Variants in ITPKB observed in about 807,000 individuals in gnomAD.
ITPKB encodes inositol-trisphosphate 3-kinase B.
ITPKB carries 13 observed loss-of-function variants against 69.4 expected under a neutral mutation model. The ratio of observed to expected loss-of-function variants is 0.19; its 90% CI spans 0.12 to 0.30. The LOEUF (loss-of-function observed/expected upper bound fraction) is 0.30, where lower values mean the gene tolerates loss of function less well. Ranked by LOEUF, ITPKB falls within the 10% of genes least tolerant of loss-of-function variation. The pLI is 1.00. For synonymous variants in ITPKB, 584 were observed against 513.7 expected, an observed-to-expected ratio of 1.14 and a Z score of -1.85; for missense variants, 1,240 against 1,250.5, an observed-to-expected ratio of 0.99 and a Z score of 0.13.
intron 2 of ITPKB, among the ~76,000 whole-genome samples, chr1:226,688,993 C>T (rs962782593): frequency 2.0e-5 from 3 of 152,104 alleles, no homozygotes; most frequent in Admixed American, 1.3e-4. Flanking sequence ...GTTTGCTCTC[C>T]GACCTCTTTA....
At chr1:226,693,425 T>C (rs1017093932) in intron 2 of ITPKB, among the ~76,000 whole-genome samples, 16 of 152,212 alleles carry the variant, frequency 1.1e-4, no homozygotes, top group African/African-American at 3.6e-4. Flanking sequence ...TTCTAGACTT[T>C]AGAACCACTT....
intron 2 of ITPKB, among the ~76,000 whole-genome samples, chr1:226,722,304 T>C (rs559245705): frequency 1.3e-5 from 2 of 152,262 alleles, no homozygotes; most frequent in East Asian, 3.9e-4. Context: ...TGCCTTCCCC[T>C]GGGAATGTGG....
At chr1:226,715,376 C>T (rs924209970) in intron 2 of ITPKB, among the ~76,000 whole-genome samples, 17 of 152,252 alleles carry the variant, frequency 1.1e-4, no homozygotes, top group African/African-American at 4.1e-4. Flanking sequence ...TTAGCAAAAC[C>T]TCTGCTGGTT....
chr1:226,695,627 C>T (rs537555145), intron 2 of ITPKB, among the ~76,000 whole-genome samples: 47 of 152,314 alleles, frequency 3.1e-4, no homozygotes, highest in Admixed American at 2.3e-3. Flanking sequence ...TCACACCTGC[C>T]GCAGACCTGA....
At chr1:226,680,474 T>A (rs903399482) in intron 2 of ITPKB, among the ~76,000 whole-genome samples, 1 of 152,174 alleles carries the variant, frequency 6.6e-6, no homozygotes, top group Non-Finnish European at 1.5e-5. Context: ...ATGTGTTAGG[T>A]AGGGTCCTTT....
rs1372418959 is a variant in ITPKB, at chr1:226,736,090, G to A, written c.1369C>T (p.Pro457Ser). 2 of 1,609,706 alleles carry A rather than the reference G, an allele frequency of 1.2e-6. No homozygotes were observed. The highest frequency in any genetic ancestry group is 2.2e-5 in the East Asian group (1 of 44,796). ...TTCCCGGTCCCCGGCTGTGCTGAGG[G>A]GCTGCCCCCAAGCAAGCCCAGCGTT... is the stretch of plus-strand genomic sequence containing the variant. Reference protein sequence around the residue: ...SPTLGLLGGSPSAQPGTGNVE... With the variant: ...SPTLGLLGGSSSAQPGTGNVE... Residue 457 changes from proline to serine, a missense_variant, in exon 2 of 8, where the codon CCC becomes TCC. Coordinates refer to ENST00000429204, the MANE Select transcript of ITPKB (RefSeq NM_002221.4).
chr1:226,673,183 G>A (rs1669653216), intron 2 of ITPKB, among the ~76,000 whole-genome samples: 1 of 152,004 alleles, frequency 6.6e-6, no homozygotes, highest in Non-Finnish European at 1.5e-5. Flanking sequence ...ACCAGCCTGG[G>A]CAACATGGTG....
At chr1:226,704,731 C>T (rs181398326) in intron 2 of ITPKB, among the ~76,000 whole-genome samples, 44 of 152,342 alleles carry the variant, frequency 2.9e-4, no homozygotes, top group Middle Eastern at 3.4e-3. Flanking sequence ...AATGGACGTT[C>T]AACAATGCTG....
intron 2 of ITPKB, among the ~76,000 whole-genome samples, chr1:226,679,029 G>C (rs903735066): frequency 1.1e-4 from 16 of 152,222 alleles, no homozygotes; most frequent in Non-Finnish European, 1.8e-4. Context: ...CTCAGGCTAG[G>C]GGAGTCCCTG....
At chr1:226,649,166 C>T (rs990457318) in intron 2 of ITPKB, among the ~76,000 whole-genome samples, 2 of 152,234 alleles carry the variant, frequency 1.3e-5, no homozygotes, top group East Asian at 3.8e-4. Context: ...AGAACCTGCA[C>T]CGATGGCTTC....
intron 2 of ITPKB, among the ~76,000 whole-genome samples, chr1:226,692,865 T>C (rs77009112): frequency 6.6e-6 from 1 of 152,356 alleles, no homozygotes; most frequent in Non-Finnish European, 1.5e-5. Context: ...ACTGTGAATA[T>C]ACTCTCATTT....
chr1:226,669,374 G>C (rs1352093914), intron 2 of ITPKB, among the ~76,000 whole-genome samples: 1 of 151,522 alleles, frequency 6.6e-6, no homozygotes, highest in African/African-American at 2.4e-5. Context: ...TCTAGCCTGG[G>C]CAACAAGAGC....
intron 2 of ITPKB, among the ~76,000 whole-genome samples, chr1:226,720,189 G>A (rs777413183): frequency 2.0e-5 from 3 of 152,166 alleles, no homozygotes; most frequent in East Asian, 1.9e-4. Flanking sequence ...AGACTAAAAC[G>A]GTACTCCAGG....
intron 2 of ITPKB, among the ~76,000 whole-genome samples, chr1:226,721,348 CA>C (rs11353595): frequency 0.82 from 53,116 of 64,794 alleles, 21,225 homozygotes; most frequent in Middle Eastern, 0.91. Flanking sequence ...AACTCTGTCT[CA>C]AAAAAAAAAA....
intron 2 of ITPKB, among the ~76,000 whole-genome samples, chr1:226,692,166 G>A (rs186766752): frequency 6.6e-6 from 1 of 152,138 alleles, no homozygotes; most frequent in Admixed American, 6.5e-5. Flanking sequence ...CCAAGGAGCA[G>A]AGCTAGGATT....
intron 2 of ITPKB, among the ~76,000 whole-genome samples, chr1:226,715,502 G>GT (rs997948520): frequency 1.2e-4 from 18 of 152,248 alleles, no homozygotes; most frequent in Non-Finnish European, 2.4e-4. Flanking sequence ...CTGGAAGAAT[G>GT]TAAGTTCACG....
chr1:226,685,942 C>G (rs761932273), intron 2 of ITPKB, among the ~76,000 whole-genome samples: 3 of 151,988 alleles, frequency 2.0e-5, no homozygotes, highest in Admixed American at 1.3e-4. Context: ...AGACAAGAAA[C>G]TGAGGATGGG....
At chr1:226,646,111 G>A (rs1035231504) in intron 4 of ITPKB, among the ~76,000 whole-genome samples, 11 of 152,200 alleles carry the variant, frequency 7.2e-5, no homozygotes, top group African/African-American at 2.7e-4. Context: ...ACCAGTCACA[G>A]TGGACACAGC....
intron 2 of ITPKB, among the ~76,000 whole-genome samples, chr1:226,695,242 A>C (rs1199341476): frequency 6.6e-6 from 1 of 152,174 alleles, no homozygotes; most frequent in East Asian, 1.9e-4. Flanking sequence ...TAAATAAGTA[A>C]ATAAATAAAT....
Sources: allele counts gnomAD v4.1 joint callset (sites outside exome capture counted in the v4.1 genomes callset), GRCh38; gene constraint gnomAD v4.1.1; transcripts MANE v1.5; gene names NCBI Gene and HGNC (gene_info 2026-07-23, HGNC 2026-07-21).